The following RAB31 variants were observed in gnomAD, a reference collection of about 807,000 sequenced individuals.
RAB31 encodes RAB31, member RAS oncogene family, also known as ras-related protein Rab-31.
Under a neutral mutation model 25.6 loss-of-function variants are expected in RAB31, and 21 were observed. That is an observed-to-expected ratio of 0.82 (90% CI 0.58 to 1.18). The LOEUF (loss-of-function observed/expected upper bound fraction) is 1.18, where lower values mean the gene tolerates loss of function less well. RAB31 is among the 50% of genes most tolerant of loss of function. RAB31 has a pLI of 0.00. For synonymous variants in RAB31, 87 were observed against 84.0 expected (o/e 1.04, Z -0.20); for missense variants, 196 against 250.1 (o/e 0.78, Z 1.46).
chr18:9,841,292 C>A (rs1324834937), intron 5 of RAB31, among the ~76,000 whole-genome samples: 1 of 151,410 alleles, frequency 6.6e-6, no homozygotes, highest in Admixed American at 6.5e-5. Context: ...GTAATCCCAG[C>A]ACTTTGGGAG....
intron 5 of RAB31, among the ~76,000 whole-genome samples, chr18:9,816,862 G>A (rs1490373837): frequency 3.3e-5 from 5 of 152,178 alleles, no homozygotes; most frequent in African/African-American, 1.2e-4. Context: ...CATGCTTCTG[G>A]TTTTGCTAAT....
intron 5 of RAB31, among the ~76,000 whole-genome samples, chr18:9,819,499 G>GT (rs2068614912): frequency 6.6e-6 from 1 of 152,158 alleles, no homozygotes. Flanking sequence ...ATTTAAAACT[G>GT]TGAGTCCTTC....
chr18:9,766,991 CA>C lies in RAB31; in HGVS notation c.40-8282del, dbSNP rs2068319579. On this transcript the variant is annotated intron_variant, in intron 1 of 6. Coordinates refer to ENST00000578921, the MANE Select transcript of RAB31 (RefSeq NM_006868.4). This position sits in a 1 kb window ranked among gnomAD's most constrained non-coding sequence, Gnocchi z 4.3. Reference sequence around the variant, plus strand: ...AAACAAAACCCCAAACCAAAACAAACAAAAAGAAGTATGTAAGCCTTAAAGT... The same window carrying C: ...AAACAAAACCCCAAACCAAAACAAACAAAAGAAGTATGTAAGCCTTAAAGT... 6.6e-6 allele frequency among the ~76,000 whole-genome samples: 1 copy of C among 151,962 alleles called. No individual in the cohort carries two copies. The highest frequency in any genetic ancestry group is 2.4e-5 in the African/African-American group (1 of 41,386).
At chr18:9,855,230 C>T (rs1051898969) in intron 6 of RAB31, among the ~76,000 whole-genome samples, 1 of 151,798 alleles carries the variant, frequency 6.6e-6, no homozygotes, top group African/African-American at 2.4e-5. Context: ...AGACTGTCAA[C>T]TTTCAGGAAA....
intron 1 of RAB31, among the ~76,000 whole-genome samples, chr18:9,712,003 C>T (rs917996544): frequency 2.0e-5 from 3 of 152,212 alleles, no homozygotes; most frequent in Non-Finnish European, 2.9e-5. Context: ...GTTTCCTGCT[C>T]CATCCATGGG....
intron 5 of RAB31, among the ~76,000 whole-genome samples, chr18:9,839,806 G>T (rs1213887299): frequency 6.6e-6 from 1 of 152,156 alleles, no homozygotes; most frequent in Non-Finnish European, 1.5e-5. Flanking sequence ...CTGCAGGACA[G>T]TGTCCACCGT....
intron 6 of RAB31, chr18:9,856,463 T>C (rs1311141200): frequency 6.6e-6 from 1 of 152,222 alleles, no homozygotes; most frequent in Non-Finnish European, 1.5e-5. Flanking sequence ...ATAAACTTTT[T>C]CTTTAATTTG....
chr18:9,772,370 G>GA (rs1599032330), intron 1 of RAB31, among the ~76,000 whole-genome samples: 1 of 152,070 alleles, frequency 6.6e-6, no homozygotes, highest in Non-Finnish European at 1.5e-5. Flanking sequence ...ATCAAGGAAT[G>GA]AAAAAAAGGA....
chr18:9,761,546 G>A lies in RAB31; in HGVS notation c.40-13732G>A, dbSNP rs73940020. 9.9e-3 allele frequency among the ~76,000 whole-genome samples: 1,505 copies of A among 152,266 alleles called. 26 individuals are homozygous for A. The highest frequency in any genetic ancestry group is 0.035 in the African/African-American group (1,440 of 41,542). ...GCATGGCTTAGTAGGTCCTCGGGCT[G>A]GGGGATCTCTTACAACACTACAACA... is the stretch of plus-strand genomic sequence containing the variant. On this transcript the variant is annotated intron_variant, in intron 1 of 6. Coordinates refer to ENST00000578921, the MANE Select transcript of RAB31 (RefSeq NM_006868.4).
At chr18:9,794,742 G>C (rs2068478266) in intron 3 of RAB31, among the ~76,000 whole-genome samples, 1 of 152,132 alleles carries the variant, frequency 6.6e-6, no homozygotes, top group Non-Finnish European at 1.5e-5. Context: ...TTGAACCCGG[G>C]AGGCGGAGGT....
At chr18:9,775,187 G>C in intron 1 of RAB31, 91 bp from the exon 2 acceptor site, 2 of 1,586,472 alleles carry the variant, frequency 1.3e-6, no homozygotes, top group Non-Finnish European at 1.7e-6. Flanking sequence ...ATAGCCAGTC[G>C]TGTCCTCTGG....
At chr18:9,733,872 GA>G (rs371235323) in intron 1 of RAB31, among the ~76,000 whole-genome samples, 2,975 of 151,530 alleles carry the variant, frequency 0.02, 100 homozygotes, top group African/African-American at 0.067. Context: ...GAAGAGACTA[GA>G]AAAAAAATAG....
chr18:9,769,437 A>AT (rs2068332906), intron 1 of RAB31, among the ~76,000 whole-genome samples: 1 of 152,054 alleles, frequency 6.6e-6, no homozygotes, highest in South Asian at 2.1e-4. Flanking sequence ...ATTTCTAGGC[A>AT]TTTTATTCTC....
intron 1 of RAB31, among the ~76,000 whole-genome samples, chr18:9,765,680 C>A (rs2068312173): frequency 6.6e-6 from 1 of 152,116 alleles, no homozygotes. Context: ...ATCTGATAAG[C>A]CCTGGAATGG....
chr18:9,823,498 G>A (rs1373039752), intron 5 of RAB31, among the ~76,000 whole-genome samples: 3 of 152,168 alleles, frequency 2.0e-5, no homozygotes, highest in Non-Finnish European at 4.4e-5. Flanking sequence ...TTTTCAAGAT[G>A]TGACCATTTA....
chr18:9,708,349 G>T lies in RAB31; in HGVS notation c.-57G>T. 2 of 1,375,048 alleles carry T rather than the reference G, an allele frequency of 1.5e-6. No homozygotes were observed. Among genetic ancestry groups the T allele is most frequent in the Non-Finnish European group, 1.9e-6 (2 of 1,036,368 alleles). The allele number at this position is 1,375,048 out of a possible 1,614,324, so 85.2% of individuals were successfully genotyped here. A position where few individuals can be genotyped will look rare whatever the true frequency, so the allele number is the denominator to read the frequency against. ...GAGGCGAGAGACGCCGGCGGGGCGC[G>T]GGCGCGGCGGCCCCGGAGGATGCTG... On this transcript the variant is annotated 5_prime_UTR_variant, in exon 1 of 7. Transcript: ENST00000578921. This position sits in a 1 kb window ranked among gnomAD's most constrained non-coding sequence, Gnocchi z 6.4.
chr18:9,822,121 C>T (rs892040632), intron 5 of RAB31, among the ~76,000 whole-genome samples: 1 of 152,056 alleles, frequency 6.6e-6, no homozygotes, highest in Non-Finnish European at 1.5e-5. Context: ...ATGCATAGAT[C>T]AATGGAACAG....
chr18:9,756,874 C>T (rs2068262523), intron 1 of RAB31, among the ~76,000 whole-genome samples: 1 of 152,200 alleles, frequency 6.6e-6, no homozygotes, highest in Non-Finnish European at 1.5e-5. Context: ...GCCCTCAGAA[C>T]AAAGTTCAAA....
rs2068111471 is a variant in RAB31 at position 9,729,477 on chromosome 18, A to C, written c.39+21033A>C. Among the ~76,000 whole-genome samples, 4 of 152,086 alleles carry C rather than the reference A, an allele frequency of 2.6e-5. No homozygotes were observed. The South Asian group carries it at 8.3e-4, about 32-fold the overall frequency. The stretch of plus-strand genomic sequence containing the variant: ...GGGAGGGGGAGCTTGCAGTGAGCCA[A>C]GATCACGCCAGTGCACTCCAGCCTG... On this transcript the variant is annotated intron_variant, in intron 1 of 6. Coordinates refer to ENST00000578921, the MANE Select transcript of RAB31 (RefSeq NM_006868.4).
Sources: gnomAD v4.1 joint callset for allele counts (sites outside exome capture counted in the v4.1 genomes callset) on GRCh38, gnomAD v4.1.1 for gene constraint, Gnocchi (gnomAD v3.1) non-coding constraint, MANE v1.5 for transcripts, NCBI Gene and HGNC (gene_info 2026-07-23, HGNC 2026-07-21) for gene names.